The following PRKCH variants were observed in gnomAD, a reference collection of about 807,000 sequenced individuals.
PRKCH encodes the protein protein kinase C eta type.
Under a neutral mutation model 82.5 loss-of-function variants are expected in PRKCH, and 28 were observed. That is an observed-to-expected ratio of 0.34 (90% CI 0.25 to 0.47). The LOEUF (loss-of-function observed/expected upper bound fraction) is 0.47, where lower values mean the gene tolerates loss of function less well. PRKCH is among the 20% of genes least tolerant of loss of function. The pLI is 1.00. For synonymous variants in PRKCH, 322 were observed against 327.4 expected (o/e 0.98, Z 0.18); for missense variants, 705 against 881.8 (o/e 0.80, Z 2.54).
In PRKCH at chr14:61,457,622, G is replaced by T. The variant is rs2140296155; in HGVS notation, c.1221G>T (p.Leu407=). 6.2e-7 allele frequency: 1 copy of T among 1,614,166 alleles called. No individual in the cohort carries two copies. The highest frequency in any genetic ancestry group is 1.1e-5 in the South Asian group (1 of 91,078). The part of the protein sequence containing the change: ...VECTMTEKRI[L]SLARNHPFLT... ...GCACCATGACCGAGAAAAGGATCCT[G>T]TCTCTGGCCCGCAATCACCCCTTCC... The change falls in exon 9 of 14, where the codon CTG becomes CTT. Residue 407 remains leucine (L), a synonymous_variant. Transcript: ENST00000332981.
intron 2 of PRKCH, among the ~76,000 whole-genome samples, chr14:61,395,300 G>GCCAC (rs958125677): frequency 1.5e-5 from 2 of 135,962 alleles, no homozygotes; most frequent in Non-Finnish European, 3.1e-5. Flanking sequence ...GCCCCCCCCC[G>GCCAC]CATTTGCCTG....
chr14:61,481,415 G>A (rs568871907), intron 9 of PRKCH, among the ~76,000 whole-genome samples: 3 of 152,288 alleles, frequency 2.0e-5, no homozygotes, highest in African/African-American at 7.2e-5. Context: ...ATGGGACATG[G>A]GTGGTTACTC....
chr14:61,416,171 C>T (rs1377170114), intron 2 of PRKCH, among the ~76,000 whole-genome samples: 2 of 151,270 alleles, frequency 1.3e-5, no homozygotes, highest in African/African-American at 4.9e-5. Flanking sequence ...ATCCTCCCAC[C>T]CAGCTTCCTG....
intron 10 of PRKCH, among the ~76,000 whole-genome samples, chr14:61,500,216 T>G (rs1431875974): frequency 6.6e-6 from 1 of 151,956 alleles, no homozygotes; most frequent in Admixed American, 6.6e-5. Flanking sequence ...CTTGGTCTTT[T>G]TTTTTGAGAC....
chr14:61,257,616 C>G (rs1009798141), intron 1 of PRKCH, among the ~76,000 whole-genome samples: 1 of 50,568 alleles, frequency 2.0e-5, no homozygotes, highest in South Asian at 7.5e-4. Flanking sequence ...CACACACACA[C>G]ACACACACAC....
chr14:61,424,554 G>C (rs1466437271), intron 2 of PRKCH, among the ~76,000 whole-genome samples: 2 of 152,208 alleles, frequency 1.3e-5, no homozygotes, highest in African/African-American at 4.8e-5. Context: ...GTGGAACTTT[G>C]AACTTGAGAG....
intron 10 of PRKCH, among the ~76,000 whole-genome samples, chr14:61,500,753 A>G (rs1054856377): frequency 4.6e-5 from 7 of 152,236 alleles, no homozygotes; most frequent in Non-Finnish European, 1.0e-4. Flanking sequence ...TTTCCTCTCA[A>G]ATCAATCTGT....
intron 10 of PRKCH, among the ~76,000 whole-genome samples, chr14:61,501,109 G>A (rs1055090462): frequency 1.3e-5 from 2 of 152,176 alleles, no homozygotes; most frequent in Non-Finnish European, 2.9e-5. Context: ...TAATCTACAT[G>A]AGGATAACAG....
At chr14:61,455,279 A>T (rs1231095194) in intron 7 of PRKCH, among the ~76,000 whole-genome samples, 1 of 150,262 alleles carries the variant, frequency 6.7e-6, no homozygotes, top group Non-Finnish European at 1.5e-5. Flanking sequence ...TGACCTTGTC[A>T]TCCTCCCGTC....
chr14:61,526,737 G>A (rs1335399890), intron 10 of PRKCH, among the ~76,000 whole-genome samples: 1 of 152,228 alleles, frequency 6.6e-6, no homozygotes, highest in Non-Finnish European at 1.5e-5. Context: ...AGTGAATATG[G>A]CACTCCAGAA....
intron 1 of PRKCH, among the ~76,000 whole-genome samples, chr14:61,210,326 TAAATA>T (rs2044565018): frequency 6.6e-6 from 1 of 150,700 alleles, no homozygotes; most frequent in South Asian, 2.1e-4. Context: ...AAAAAATAAA[TAAATA>T]AAATGCCTCT....
chr14:61,212,858 A>G (rs2140047330), intron 1 of PRKCH, among the ~76,000 whole-genome samples: 1 of 152,340 alleles, frequency 6.6e-6, no homozygotes, highest in South Asian at 2.1e-4. Context: ...TGAGCAGAGG[A>G]GGGAGCAACT....
intron 2 of PRKCH, 121 bp from the exon 3 acceptor site, chr14:61,442,990 G>A: frequency 1.0e-6 from 1 of 984,720 alleles, no homozygotes; most frequent in Non-Finnish European, 1.5e-6. Context: ...GGATGGTTTA[G>A]ATCTTGAAGA....
chr14:61,465,194 T>C (rs568734679), intron 9 of PRKCH, among the ~76,000 whole-genome samples: 3 of 152,376 alleles, frequency 2.0e-5, no homozygotes, highest in South Asian at 2.1e-4. Flanking sequence ...ACTCTGTTGA[T>C]TGCAGAAACT....
chr14:61,362,671 G>T (rs2046244878), intron 1 of PRKCH, among the ~76,000 whole-genome samples: 1 of 152,222 alleles, frequency 6.6e-6, no homozygotes, highest in Non-Finnish European at 1.5e-5. Flanking sequence ...GAAAGGAAAT[G>T]AAGGTTCCCT....
chr14:61,489,655 C>G (rs1461764410), intron 10 of PRKCH, among the ~76,000 whole-genome samples: 1 of 152,204 alleles, frequency 6.6e-6, no homozygotes, highest in Non-Finnish European at 1.5e-5. Flanking sequence ...GTCATCAAGT[C>G]AGTTCTCCCA....
At chr14:61,505,395 C>CTTTTTTTTTTTTTTTTTTTTTTTT (rs60304150) in intron 10 of PRKCH, among the ~76,000 whole-genome samples, 5 of 55,764 alleles carry the variant, frequency 9.0e-5, no homozygotes, top group Admixed American at 3.0e-4. Flanking sequence ...CTTTTCTTTT[C>CTTTTTTTTTTTTTTTTTTTTTTTT]TTTTTTTTTT....
chr14:61,219,318 CA>C (rs2044637912), intron 1 of PRKCH, among the ~76,000 whole-genome samples: 1 of 152,172 alleles, frequency 6.6e-6, no homozygotes, highest in Non-Finnish European at 1.5e-5. Flanking sequence ...ATAAATGTTC[CA>C]AATATGGAAT....
At chr14:61,294,532 C>T (rs140111412) in intron 1 of PRKCH, among the ~76,000 whole-genome samples, 43 of 151,642 alleles carry the variant, frequency 2.8e-4, no homozygotes, top group Middle Eastern at 3.4e-3. Context: ...GCTTGTGTCA[C>T]CCAAGCATGT....
Sources: gnomAD v4.1 joint callset for allele counts (sites outside exome capture counted in the v4.1 genomes callset) on GRCh38, gnomAD v4.1.1 for gene constraint, MANE v1.5 for transcripts, NCBI Gene and HGNC (gene_info 2026-07-23, HGNC 2026-07-21) for gene names.